ARHGEF28: variants seen among roughly 807,000 people sequenced by gnomAD.
ARHGEF28 encodes the protein Rho guanine nucleotide exchange factor 28, also known as 190 kDa guanine nucleotide exchange factor.
ARHGEF28 carries 152 observed loss-of-function variants against 206.6 expected under a neutral mutation model. The observed-to-expected ratio is 0.74, with a 90% CI of 0.64 to 0.84. The LOEUF (loss-of-function observed/expected upper bound fraction) is 0.84. Among genes scored for constraint, ARHGEF28 ranks in the 40% least tolerant of loss-of-function variants. The pLI, the probability that ARHGEF28 is intolerant of heterozygous loss-of-function variation, is 0.00. For synonymous variants in ARHGEF28, 763 were observed against 776.4 expected (o/e 0.98, Z 0.29); for missense variants, 2,028 against 2,073.2 (o/e 0.98, Z 0.42).
rs1291658956 is a variant in ARHGEF28 at position 73,867,856 on chromosome 5, G to A, written c.2153-20G>A. 3 of 1,613,830 alleles carry A rather than the reference G, an allele frequency of 1.9e-6. No homozygotes were observed. Among genetic ancestry groups the A allele is most frequent in the Middle Eastern group, 3.3e-4 (2 of 6,058 alleles). On this transcript the variant is annotated intron_variant, in intron 18 of 35. Coordinates refer to ENST00000513042, the MANE Select transcript of ARHGEF28 (RefSeq NM_001177693.2). ...ATTACTGACCTGGAAACCACATGAA[G>A]CATCTGTTCTGATTTCCAGATTCTT...
At chr5:73,720,754 T>C (rs1749891393) in intron 2 of ARHGEF28, among the ~76,000 whole-genome samples, 2 of 152,246 alleles carry the variant, frequency 1.3e-5, no homozygotes, top group African/African-American at 4.8e-5. Context: ...TGCTGACCGA[T>C]TGCTCCTTAC....
At chr5:73,906,958 G>T (rs1419121450) in intron 33 of ARHGEF28, among the ~76,000 whole-genome samples, 1 of 152,096 alleles carries the variant, frequency 6.6e-6, no homozygotes, top group African/African-American at 2.4e-5. Flanking sequence ...AGAAAATAAT[G>T]ATATTATGGC....
intron 1 of ARHGEF28, among the ~76,000 whole-genome samples, chr5:73,647,607 A>G (rs1050663320): frequency 9.2e-5 from 14 of 152,252 alleles, no homozygotes; most frequent in African/African-American, 3.4e-4. Flanking sequence ...TATCTAAAAT[A>G]TTGTTATTTC....
intron 35 of ARHGEF28, among the ~76,000 whole-genome samples, chr5:73,936,951 G>C (rs960043214): frequency 6.6e-6 from 1 of 152,194 alleles, no homozygotes; most frequent in Non-Finnish European, 1.5e-5. Flanking sequence ...CAACTAGTCA[G>C]TTGGCTCAAA....
At chr5:73,699,427 A>G (rs770667524) in intron 2 of ARHGEF28, among the ~76,000 whole-genome samples, 5 of 151,906 alleles carry the variant, frequency 3.3e-5, no homozygotes, top group Non-Finnish European at 7.4e-5. Context: ...GGAGAGAGAG[A>G]TTGATTTAGG....
intron 7 of ARHGEF28, among the ~76,000 whole-genome samples, chr5:73,787,336 C>A (rs1430424620): frequency 1.3e-5 from 2 of 152,082 alleles, no homozygotes; most frequent in Non-Finnish European, 2.9e-5. Flanking sequence ...TTGGCATTTT[C>A]AACAAAAATC....
At chr5:73,932,800 C>CCT (rs1764197278) in intron 35 of ARHGEF28, among the ~76,000 whole-genome samples, 1 of 73,422 alleles carries the variant, frequency 1.4e-5, no homozygotes, top group African/African-American at 5.6e-5. Flanking sequence ...TTTCCTATTT[C>CCT]TTTTTTTTTT....
chr5:73,636,276 T>C (rs772188914), intron 1 of ARHGEF28, among the ~76,000 whole-genome samples: 7 of 152,220 alleles, frequency 4.6e-5, no homozygotes, highest in Non-Finnish European at 8.8e-5. Context: ...AAATTAACTT[T>C]TCACTTGGCA....
At position 73,857,160 on chromosome 5, in the gene ARHGEF28, G is replaced by C. The variant is rs560779440; in HGVS notation, c.1791-496G>C. On this transcript the variant is annotated intron_variant, in intron 14 of 35. Coordinates refer to ENST00000513042, the MANE Select transcript of ARHGEF28 (RefSeq NM_001177693.2). ...TGGCAGTCAGTCTGTTTCTCAGGCC[G>C]TATCAACAGAGGAAACACGTGTCTA... Among the ~76,000 whole-genome samples the C allele has an allele frequency of 3.3e-5, 5 of 152,172 alleles. No homozygotes were observed. The South Asian group carries it at 1.0e-3, about 32-fold the overall frequency.
At chr5:73,649,797 T>C (rs563109325) in intron 1 of ARHGEF28, among the ~76,000 whole-genome samples, 3 of 152,274 alleles carry the variant, frequency 2.0e-5, no homozygotes, top group African/African-American at 7.2e-5. Context: ...GTTCCTCCAT[T>C]GCCCAAGTAG....
chr5:73,912,829 GC>G (rs999615028), intron 35 of ARHGEF28, among the ~76,000 whole-genome samples: 1 of 152,138 alleles, frequency 6.6e-6, no homozygotes, highest in African/African-American at 2.4e-5. Context: ...AGCACATGTT[GC>G]TTTGCTGTGT....
chr5:73,660,426 G>A (rs1372690937), intron 1 of ARHGEF28, among the ~76,000 whole-genome samples: 11 of 152,120 alleles, frequency 7.2e-5, no homozygotes, highest in Non-Finnish European at 1.3e-4. Flanking sequence ...TCATCCACGA[G>A]GGTTGGAATC....
intron 16 of ARHGEF28, among the ~76,000 whole-genome samples, chr5:73,860,847 A>G (rs1056449989): frequency 3.3e-5 from 5 of 152,068 alleles, no homozygotes; most frequent in Admixed American, 6.6e-5. Context: ...TTAGACCCCT[A>G]GGCCCCCCTT....
At chr5:73,853,117 T>C (rs1758803445) in intron 14 of ARHGEF28, among the ~76,000 whole-genome samples, 1 of 152,246 alleles carries the variant, frequency 6.6e-6, no homozygotes, top group South Asian at 2.1e-4. Context: ...CTAGTAGCCC[T>C]TCAGCTGGAA....
At chr5:73,801,685 C>G (rs997258474) in intron 9 of ARHGEF28, among the ~76,000 whole-genome samples, 1 of 152,044 alleles carries the variant, frequency 6.6e-6, no homozygotes, top group South Asian at 2.1e-4. Context: ...CTCTCTACAC[C>G]CCAGGCTACA....
At chr5:73,855,580 A>G (rs758047554) in intron 14 of ARHGEF28, among the ~76,000 whole-genome samples, 1 of 151,994 alleles carries the variant, frequency 6.6e-6, no homozygotes, top group Non-Finnish European at 1.5e-5. Context: ...AAAAATATGA[A>G]AATCAGCTGG....
At chr5:73,725,523 C>T (rs1750219327) in intron 2 of ARHGEF28, among the ~76,000 whole-genome samples, 1 of 151,998 alleles carries the variant, frequency 6.6e-6, no homozygotes, top group African/African-American at 2.4e-5. Context: ...TTGTCCTTTA[C>T]TTTCATAAAA....
intron 13 of ARHGEF28, among the ~76,000 whole-genome samples, chr5:73,849,698 T>G (rs1234234789): frequency 6.6e-6 from 1 of 152,042 alleles, no homozygotes; most frequent in Non-Finnish European, 1.5e-5. Flanking sequence ...AATTTTCAAG[T>G]GAATTCAGAT....
chr5:73,724,852 ACCAT>A (rs1750180609), intron 2 of ARHGEF28, among the ~76,000 whole-genome samples: 1 of 152,354 alleles, frequency 6.6e-6, no homozygotes, highest in South Asian at 2.1e-4. Context: ...AGCTGCCATA[ACCAT>A]CCATACACAG....
Sources: gnomAD v4.1 joint callset for allele counts (sites outside exome capture counted in the v4.1 genomes callset) on GRCh38, gnomAD v4.1.1 for gene constraint, MANE v1.5 for transcripts, NCBI Gene and HGNC (gene_info 2026-07-23, HGNC 2026-07-21) for gene names.